TRIM24: variants seen among roughly 807,000 people sequenced by gnomAD.
TRIM24 encodes tripartite motif containing 24.
Under a neutral mutation model 123.9 loss-of-function variants are expected in TRIM24, and 29 were observed. The observed-to-expected ratio is 0.23, with a 90% CI of 0.17 to 0.32. The LOEUF is 0.32. TRIM24 is among the 10% of genes least tolerant of loss of function. The pLI, the probability that TRIM24 is intolerant of heterozygous loss-of-function variation, is 1.00. For synonymous variants in TRIM24, 456 were observed against 461.1 expected (o/e 0.99, Z 0.14); for missense variants, 932 against 1,295.3 (o/e 0.72, Z 4.31).
At chr7:138,578,426 A>C (rs1343454204) in intron 14 of TRIM24, among the ~76,000 whole-genome samples, 2 of 152,202 alleles carry the variant, frequency 1.3e-5, no homozygotes, top group Non-Finnish European at 2.9e-5. Context: ...ATCAGTTAGA[A>C]TAGATACTGG....
intron 7 of TRIM24, among the ~76,000 whole-genome samples, chr7:138,544,924 T>A (rs1330635698): frequency 1.3e-5 from 2 of 152,180 alleles, no homozygotes; most frequent in African/African-American, 4.8e-5. Context: ...CCAACGGAAA[T>A]CTGAAATTCT....
rs747408083 is a variant in TRIM24, at chr7:138,554,925, A to G, written c.1489A>G (p.Arg497Gly). Reference sequence around the variant, plus strand: ...AGCACCTGTGGGTTTACCAAACCCTAGAATGCAGGGGCCCATCCAGCAACC... The same window carrying G: ...AGCACCTGTGGGTTTACCAAACCCTGGAATGCAGGGGCCCATCCAGCAACC... ...RPAPVGLPNP[R>G]MQGPIQQPSI... Residue 497 changes from arginine (R) to glycine (G), a missense_variant, in exon 9 of 19, where the codon AGA becomes GGA. Arg to Gly is a moderately radical substitution (Grantham distance 125). This residue lies in a region of TRIM24 where 527 missense variants were observed against 691.3 expected (regional missense o/e 0.76). Transcript: ENST00000343526. This position sits in a 1 kb window ranked among gnomAD's most constrained non-coding sequence, Gnocchi z 4.5. 6.2e-7 allele frequency: 1 copy of G among 1,614,180 alleles called. No homozygotes were observed.
intron 9 of TRIM24, among the ~76,000 whole-genome samples, chr7:138,557,448 G>A (rs1797337924): frequency 6.6e-6 from 1 of 152,166 alleles, no homozygotes; most frequent in Non-Finnish European, 1.5e-5. Flanking sequence ...AGTCTCTATG[G>A]CCGATTGGAT....
intron 1 of TRIM24, among the ~76,000 whole-genome samples, chr7:138,498,041 G>C (rs980891482): frequency 1.3e-5 from 2 of 149,932 alleles, no homozygotes; most frequent in Non-Finnish European, 3.0e-5. Flanking sequence ...TATTTTTTGA[G>C]ACAGGGTCTC....
At chr7:138,578,514 A>G (rs963407361) in intron 14 of TRIM24, among the ~76,000 whole-genome samples, 35 of 146,892 alleles carry the variant, frequency 2.4e-4, no homozygotes, top group African/African-American at 8.9e-4. Context: ...GATGGGGTGA[A>G]TGGTGGTGGT....
chr7:138,481,105 G>T (rs535937295), intron 1 of TRIM24, among the ~76,000 whole-genome samples: 23 of 152,174 alleles, frequency 1.5e-4, no homozygotes, highest in Admixed American at 1.3e-3. Context: ...CGATTCTCCT[G>T]CCTCAGCCTC....
rs145095732 is a variant in TRIM24, at chr7:138,533,641, A to G, written c.996+4411A>G. Among the ~76,000 whole-genome samples, 19 of 152,332 alleles carry G rather than the reference A, an allele frequency of 1.2e-4. 1 individual carries two copies. The East Asian group carries it at 3.7e-3, about 29-fold the overall frequency. On this transcript the variant is annotated intron_variant, in intron 6 of 18. Transcript: ENST00000343526. ...CCAGTATTTTATTGAGGATTCTTAC[A>G]TCAATGTTCATCAGGGATATTGGTC...
chr7:138,527,073 T>C (rs1219693145), intron 5 of TRIM24, among the ~76,000 whole-genome samples: 1 of 152,218 alleles, frequency 6.6e-6, no homozygotes, highest in Admixed American at 6.5e-5. Context: ...GTCAATTTTT[T>C]CCACTATCAT....
chr7:138,578,563 T>TGTGTGTGTGTGTGTGTGCGC (rs145011901), intron 14 of TRIM24, among the ~76,000 whole-genome samples: 4 of 145,088 alleles, frequency 2.8e-5, no homozygotes, highest in African/African-American at 1.0e-4. Context: ...TGTGTGTGTG[T>TGTGTGTGTGTGTGTGTGCGC]GCGCGCACGC....
intron 1 of TRIM24, among the ~76,000 whole-genome samples, chr7:138,490,380 A>G (rs1009611040): frequency 6.6e-6 from 1 of 152,168 alleles, no homozygotes; most frequent in Non-Finnish European, 1.5e-5. Context: ...TTCTCCGTCC[A>G]GCTTTGTTCC....
chr7:138,576,270 C>A, intron 12 of TRIM24, 103 bp from the exon 13 acceptor site: 2 of 1,085,148 alleles, frequency 1.8e-6, no homozygotes, highest in Non-Finnish European at 1.4e-6. Context: ...AGAATTTCAT[C>A]ATGGTTCCCA....
chr7:138,547,949 G>A (rs781113571), intron 7 of TRIM24, among the ~76,000 whole-genome samples: 8 of 152,242 alleles, frequency 5.3e-5, no homozygotes, highest in East Asian at 1.9e-4. Flanking sequence ...TGGCCTATAC[G>A]TATGTTTTAA....
chr7:138,571,230 C>T lies in TRIM24; in HGVS notation c.1878+227C>T, dbSNP rs116942840. On this transcript the variant is annotated intron_variant, in intron 11 of 18. Coordinates refer to ENST00000343526, the MANE Select transcript of TRIM24 (RefSeq NM_015905.3). ...CCTGTAATCCCAGCTACTTGGGAGG[C>T]GGAGGCTGTGGTGAGCTGAGATCAT... 3.3e-5 allele frequency among the ~76,000 whole-genome samples: 5 copies of T among 152,256 alleles called. No homozygotes were observed. In the East Asian group the frequency reaches 5.8e-4, roughly 18 times the overall value.
At chr7:138,559,275 C>T (rs933161934) in intron 9 of TRIM24, among the ~76,000 whole-genome samples, 5 of 152,034 alleles carry the variant, frequency 3.3e-5, no homozygotes, top group South Asian at 4.1e-4. Context: ...TCCCCGACCG[C>T]GTAGTATGTA....
intron 1 of TRIM24, among the ~76,000 whole-genome samples, chr7:138,492,442 C>T (rs753177637): frequency 2.6e-5 from 4 of 151,784 alleles, no homozygotes; most frequent in Non-Finnish European, 2.9e-5. Context: ...TCTTTTTTAC[C>T]GTCTTGATAA....
chr7:138,563,579 A>G (rs889219096), intron 9 of TRIM24, among the ~76,000 whole-genome samples: 3 of 152,180 alleles, frequency 2.0e-5, no homozygotes, highest in East Asian at 1.9e-4. Context: ...GGCCACTCCT[A>G]TAAGTTGGGT....
chr7:138,492,739 G>T (rs1002658161), intron 1 of TRIM24, among the ~76,000 whole-genome samples: 1 of 152,136 alleles, frequency 6.6e-6, no homozygotes, highest in Non-Finnish European at 1.5e-5. Flanking sequence ...TAAAGTTACC[G>T]CAGTAACAAG....
chr7:138,538,390 T>G (rs1273222820), intron 6 of TRIM24, among the ~76,000 whole-genome samples: 1 of 152,240 alleles, frequency 6.6e-6, no homozygotes, highest in Admixed American at 6.5e-5. Flanking sequence ...TCCTTTTTTG[T>G]GTATTGTAAC....
chr7:138,531,551 C>A (rs1490724701), intron 6 of TRIM24, among the ~76,000 whole-genome samples: 1 of 152,164 alleles, frequency 6.6e-6, no homozygotes, highest in Non-Finnish European at 1.5e-5. Context: ...ATGAACTCAT[C>A]ATTTTTTATG....
Sources: allele counts gnomAD v4.1 joint callset (sites outside exome capture counted in the v4.1 genomes callset), GRCh38; gene constraint gnomAD v4.1.1; regional missense constraint gnomAD v4.1.1; non-coding constraint Gnocchi (gnomAD v3.1); transcripts MANE v1.5; gene names NCBI Gene and HGNC (gene_info 2026-07-23, HGNC 2026-07-21).